SLC35A5: variants seen among roughly 807,000 people sequenced by gnomAD.
SLC35A5 encodes the protein solute carrier family 35 member A5.
Under a neutral mutation model 36.3 loss-of-function variants are expected in SLC35A5, and 28 were observed. The observed-to-expected ratio is 0.77, with a 90% CI of 0.57 to 1.06. The LOEUF is 1.06. Among genes scored for constraint, SLC35A5 ranks in the 50% least tolerant of loss-of-function variants. SLC35A5 has a pLI of 0.00. For missense variants in SLC35A5, 521 were observed against 499.3 expected (o/e 1.04, Z -0.41); for synonymous variants, 180 against 173.7 (o/e 1.04, Z -0.29).
chr3:112,575,824 G>A (rs979044372), intron 5 of SLC35A5, among the ~76,000 whole-genome samples: 5 of 142,630 alleles, frequency 3.5e-5, no homozygotes, highest in African/African-American at 7.9e-5. Flanking sequence ...CAGTGGCACC[G>A]TCTTGGCTCA....
chr3:112,563,799 A>G (rs1023580229), intron 2 of SLC35A5, among the ~76,000 whole-genome samples: 2 of 152,204 alleles, frequency 1.3e-5, no homozygotes, highest in Non-Finnish European at 2.9e-5. Flanking sequence ...TAATTCAATC[A>G]ACAGGTGTTT....
chr3:112,575,514 A>C (rs1319503027), intron 5 of SLC35A5, among the ~76,000 whole-genome samples: 1 of 152,006 alleles, frequency 6.6e-6, no homozygotes, highest in East Asian at 1.9e-4. Flanking sequence ...CATTTTAAAT[A>C]TTTGCTTTTA....
intron 4 of SLC35A5, among the ~76,000 whole-genome samples, chr3:112,572,016 C>A (rs1934466424): frequency 6.9e-6 from 1 of 144,514 alleles, no homozygotes; most frequent in African/African-American, 2.6e-5. Flanking sequence ...AATCTCGGCT[C>A]ACTGCAAGCT....
intron 2 of SLC35A5, among the ~76,000 whole-genome samples, chr3:112,567,217 C>T (rs1367103635): frequency 6.6e-6 from 1 of 151,300 alleles, no homozygotes; most frequent in African/African-American, 2.4e-5. Flanking sequence ...CAGAGCAAGA[C>T]TCTGTCTCAA....
At chr3:112,569,889 T>C (rs1369714000) in intron 3 of SLC35A5, among the ~76,000 whole-genome samples, 5 of 152,338 alleles carry the variant, frequency 3.3e-5, no homozygotes, top group East Asian at 1.9e-4. Flanking sequence ...ACGTAAACTT[T>C]AGAGCATTGA....
At chr3:112,561,650 C>CCGAGGGGACGGGACGCGACG, upstream of SLC35A5, 1 of 1,017,218 alleles carries the variant, frequency 9.8e-7, no homozygotes, top group South Asian at 1.5e-5. Context: ...CTGGCAGCAC[C>CCGAGGGGACGGGACGCGACG]CGAGGGGACG....
At chr3:112,563,247 T>C in intron 1 of SLC35A5, 138 bp from the exon 2 acceptor site, 3 of 531,924 alleles carry the variant, frequency 5.6e-6, no homozygotes, top group Non-Finnish European at 9.0e-6. Context: ...CATAGTTTCT[T>C]TATGCCTCAA....
chr3:112,569,891 G>GTGA (rs1387196202), intron 3 of SLC35A5, among the ~76,000 whole-genome samples: 8 of 152,176 alleles, frequency 5.3e-5, no homozygotes, highest in Non-Finnish European at 8.8e-5. Flanking sequence ...GTAAACTTTA[G>GTGA]AGCATTGAAG....
chr3:112,561,660 G>C (rs1046438324), upstream of SLC35A5: 410 of 889,982 alleles, frequency 4.6e-4, 1 homozygote, highest in Admixed American at 1.3e-4. Flanking sequence ...CCGAGGGGAC[G>C]GGACGCGACG....
intron 2 of SLC35A5, among the ~76,000 whole-genome samples, chr3:112,565,584 G>A (rs1374938342): frequency 6.6e-6 from 1 of 152,094 alleles, no homozygotes. Context: ...TTGAGACCAG[G>A]CTGGCCAACA....
At chr3:112,569,469 G>C (rs1350878660) in intron 3 of SLC35A5, among the ~76,000 whole-genome samples, 200 bp downstream of exon 3, 3 of 152,170 alleles carry the variant, frequency 2.0e-5, no homozygotes, top group Non-Finnish European at 2.9e-5. Flanking sequence ...GGAAGGGGAG[G>C]AGCTGGGACA....
At position 112,581,295 on chromosome 3, in the gene SLC35A5, T is replaced by C. The variant is rs1934910140; in HGVS notation, c.1178T>C (p.Leu393Pro). The part of the protein sequence containing the change: ...YAPRQERIRD[L>P]SGNLWERSSG... Reference sequence around the variant, plus strand: ...CCTAGGCAAGAAAGGATCCGAGATCTAAGTGGCAATCTTTGGGAGCGTTCC... The same window carrying C: ...CCTAGGCAAGAAAGGATCCGAGATCCAAGTGGCAATCTTTGGGAGCGTTCC... The change falls in exon 6 of 7, where the codon CTA (leucine) becomes CCA (proline). Residue 393 changes from leucine (L) to proline (P), a missense_variant. Transcript: ENST00000492406. 3 of 1,611,526 alleles carry C rather than the reference T, an allele frequency of 1.9e-6. No homozygotes were observed. The highest frequency in any genetic ancestry group is 2.5e-6 in the Non-Finnish European group (3 of 1,178,976).
intron 3 of SLC35A5, among the ~76,000 whole-genome samples, chr3:112,569,870 A>G (rs1934363785): frequency 6.6e-6 from 1 of 152,168 alleles, no homozygotes; most frequent in African/African-American, 2.4e-5. Flanking sequence ...ACCTTCACAC[A>G]TGAGGTAAAC....
In SLC35A5 at chr3:112,569,279, G is replaced by A. The variant is rs753695630; in HGVS notation, c.229+10G>A. On this transcript the variant is annotated intron_variant, in intron 3 of 6. Coordinates refer to ENST00000492406, the MANE Select transcript of SLC35A5 (RefSeq NM_017945.5). ...TGTGTTATAAAGAAAGGTAAGTCTT[G>A]AAATGGTACTATATACTTGTTAATC... is the stretch of plus-strand genomic sequence containing the variant. 1 of 1,606,938 alleles carries A rather than the reference G, an allele frequency of 6.2e-7. No individual in the cohort carries two copies. Among genetic ancestry groups the A allele is most frequent in the Non-Finnish European group, 8.5e-7 (1 of 1,173,970 alleles).
chr3:112,576,521 C>CT (rs1405225752), intron 5 of SLC35A5, among the ~76,000 whole-genome samples: 7 of 152,350 alleles, frequency 4.6e-5, no homozygotes, highest in South Asian at 2.1e-4. Flanking sequence ...ATTTGAAACT[C>CT]TAAGTCCATT....
intron 5 of SLC35A5, among the ~76,000 whole-genome samples, chr3:112,579,218 A>G (rs1481424055): frequency 1.3e-5 from 2 of 152,124 alleles, no homozygotes; most frequent in Non-Finnish European, 2.9e-5. Context: ...AAAACCATGG[A>G]TCCGATCCCT....
chr3:112,579,042 T>C (rs1429312045), intron 5 of SLC35A5, among the ~76,000 whole-genome samples: 3 of 152,224 alleles, frequency 2.0e-5, no homozygotes, highest in African/African-American at 7.2e-5. Context: ...TACATACATA[T>C]GAGAAAGCAT....
intron 2 of SLC35A5, among the ~76,000 whole-genome samples, chr3:112,568,658 CCAAA>C (rs1388230144): frequency 6.6e-6 from 1 of 152,136 alleles, no homozygotes; most frequent in Non-Finnish European, 1.5e-5. Flanking sequence ...TCCCAGAGTG[CCAAA>C]CAAATATTAA....
upstream of SLC35A5, chr3:112,561,590 C>G: frequency 6.5e-7 from 1 of 1,527,144 alleles, no homozygotes. Context: ...TGTCAGGGGC[C>G]AGGGAGTCAG....
Sources: gnomAD v4.1 joint callset for allele counts (sites outside exome capture counted in the v4.1 genomes callset) on GRCh38, gnomAD v4.1.1 for gene constraint, MANE v1.5 for transcripts, NCBI Gene and HGNC (gene_info 2026-07-23, HGNC 2026-07-21) for gene names.